ANXA5: variants seen among roughly 807,000 people sequenced by gnomAD.
ANXA5 encodes the protein CBP-I.
Under a neutral mutation model 48.1 loss-of-function variants are expected in ANXA5, and 40 were observed. The observed-to-expected ratio is 0.83, with a 90% CI of 0.65 to 1.08. ANXA5 has a LOEUF of 1.08. Among genes scored for constraint, ANXA5 ranks in the 50% least tolerant of loss-of-function variants. The probability of loss-of-function intolerance (pLI) is 0.00; values close to 1 mark genes in which losing one functional copy is unlikely to be tolerated. For synonymous variants in ANXA5, 113 were observed against 129.1 expected, an observed-to-expected ratio of 0.88 and a Z score of 0.85; for missense variants, 357 against 376.8, an observed-to-expected ratio of 0.95 and a Z score of 0.44.
intron 10 of ANXA5, 58 bp from the exon 11 acceptor site, chr4:121,670,070 A>C (rs955404654): frequency 1.6e-6 from 2 of 1,290,156 alleles, no homozygotes; most frequent in African/African-American, 3.0e-5. Context: ...AGGATTAAGT[A>C]ATTAAAAATC....
intron 5 of ANXA5, among the ~76,000 whole-genome samples, chr4:121,682,182 A>G (rs1472038894): frequency 6.6e-6 from 1 of 152,148 alleles, no homozygotes; most frequent in Non-Finnish European, 1.5e-5. Context: ...CTTAATAAGC[A>G]CCTCAAAAGA....
At chr4:121,694,026 A>G (rs1295761634) in intron 2 of ANXA5, among the ~76,000 whole-genome samples, 2 of 148,164 alleles carry the variant, frequency 1.3e-5, no homozygotes, top group East Asian at 4.2e-4. Flanking sequence ...TACCATAGAG[A>G]TAATTCTGAT....
chr4:121,677,692 G>A (rs965897777), intron 8 of ANXA5, among the ~76,000 whole-genome samples: 1 of 151,776 alleles, frequency 6.6e-6, no homozygotes. Flanking sequence ...ATTTTATTTC[G>A]TTTCAGCTTT....
At position 121,670,084 on chromosome 4, in the gene ANXA5, T is replaced by TTTTAAAAATCAA; in HGVS notation, c.722-73_722-72insTTGATTTTTAAA. 4 of 1,055,756 alleles carry TTTTAAAAATCAA rather than the reference T, an allele frequency of 3.8e-6. No individual in the cohort carries two copies. In the South Asian group the frequency reaches 5.8e-5, roughly 15 times the overall value. The allele number at this position is 1,055,756 out of a possible 1,614,324, so 65.4% of individuals were successfully genotyped here. The stretch of plus-strand genomic sequence containing the variant: ...AAGGATTAAGTAATTAAAAATCAAG[T>TTTTAAAAATCAA]GCTGCTTCCTGCTTATAGCTCTACT... On this transcript the variant is annotated intron_variant, in intron 10 of 12. Coordinates refer to ENST00000296511, the MANE Select transcript of ANXA5 (RefSeq NM_001154.4).
Position 121,669,730 on chromosome 4 carries a change from A to AG in ANXA5, c.781-7_781-6insC. The AG allele has an allele frequency of 9.9e-7, 1 of 1,006,524 alleles. No homozygotes were observed. Among genetic ancestry groups the AG allele is most frequent in the South Asian group, 1.8e-5 (1 of 57,022 alleles). 62.3% of individuals were successfully genotyped at this position (1,006,524 alleles called of 1,614,324 possible). ...TGATCATCTGTCCCAGCTCCCTTTAAAAAAAAAAAAAAAGAGAGAAGCAAA... is the reference window on the plus strand; with the variant it reads ...TGATCATCTGTCCCAGCTCCCTTTAAGAAAAAAAAAAAAAGAGAGAAGCAAA... On this transcript the variant is annotated splice_region_variant and splice_polypyrimidine_tract_variant and intron_variant, in intron 11 of 12. Coordinates refer to ENST00000296511, the MANE Select transcript of ANXA5 (RefSeq NM_001154.4).
At chr4:121,695,242 A>T (rs530655209) in intron 2 of ANXA5, among the ~76,000 whole-genome samples, 2 of 152,348 alleles carry the variant, frequency 1.3e-5, no homozygotes, top group South Asian at 4.1e-4. Context: ...ACTTGAAGTA[A>T]TATGAGAATT....
At chr4:121,690,463 G>T (rs964779779) in intron 2 of ANXA5, among the ~76,000 whole-genome samples, 5 of 152,184 alleles carry the variant, frequency 3.3e-5, no homozygotes, top group African/African-American at 1.2e-4. Flanking sequence ...GTAACTAGGA[G>T]ATCTTTGGTG....
chr4:121,686,874 G>C (rs1724900430), intron 2 of ANXA5, among the ~76,000 whole-genome samples: 1 of 152,202 alleles, frequency 6.6e-6, no homozygotes, highest in South Asian at 2.1e-4. Context: ...TCACGTGCCA[G>C]AGGAATACAA....
intron 2 of ANXA5, among the ~76,000 whole-genome samples, chr4:121,694,254 T>A (rs1398442825): frequency 7.0e-6 from 1 of 143,224 alleles, no homozygotes; most frequent in Non-Finnish European, 1.5e-5. Flanking sequence ...ATAATAAAAA[T>A]ATATATATAA....
intron 2 of ANXA5, among the ~76,000 whole-genome samples, chr4:121,688,862 G>C (rs930197160): frequency 9.2e-5 from 14 of 152,126 alleles, no homozygotes; most frequent in African/African-American, 3.4e-4. Context: ...TGGCCAACTA[G>C]GAAAAGGGGA....
rs1430354255 is a variant in ANXA5 at position 121,671,643 on chromosome 4, C to T, written c.626-1G>A. ...GATATAGTCATGTACTTGTCAAACA[C>T]TAGAAAAAATAAAAATGATTCCCTA... On this transcript the variant is annotated splice_acceptor_variant, in intron 9 of 12. Coordinates refer to ENST00000296511, the MANE Select transcript of ANXA5 (RefSeq NM_001154.4). LOFTEE classifies it high-confidence loss of function. The T allele has an allele frequency of 6.3e-7, 1 of 1,599,972 alleles. No individual in the cohort carries two copies. The highest frequency in any genetic ancestry group is 8.6e-7 in the Non-Finnish European group (1 of 1,167,960).
chr4:121,684,706 A>T lies in ANXA5; in HGVS notation c.160T>A (p.Ser54Thr), dbSNP rs756431689. Residue 54 changes from serine (S) to threonine (T), a missense_variant, in exon 4 of 13, where the codon TCT (serine) becomes ACT (threonine). Coordinates refer to ENST00000296511, the MANE Select transcript of ANXA5 (RefSeq NM_001154.4). ...SRSNAQRQEI[S>T]AAFKTLFGRD... ...CCAAACAGAGTCTTAAAAGCTGCAG[A>T]GATTTCCTGGCGCTGAGCATTACTT... The T allele has an allele frequency of 1.2e-6, 2 of 1,613,938 alleles. No homozygotes were observed. Among genetic ancestry groups the T allele is most frequent in the East Asian group, 4.5e-5 (2 of 44,890 alleles).
At chr4:121,694,377 C>T (rs1460324034) in intron 2 of ANXA5, among the ~76,000 whole-genome samples, 2 of 152,226 alleles carry the variant, frequency 1.3e-5, no homozygotes, top group African/African-American at 4.8e-5. Context: ...AGACGCCGCA[C>T]CCAACTTTAA....
chr4:121,671,586 C>G lies in ANXA5; in HGVS notation c.682G>C (p.Glu228Gln), dbSNP rs187499448. Residue 228 changes from glutamate to glutamine, a missense_variant, in exon 10 of 13, where the codon GAG (glutamate) becomes CAG (glutamine). Physicochemically the swap from Glu to Gln is conservative, Grantham distance 29. Transcript: ENST00000296511. The part of the protein sequence containing the change: ...GFQIEETIDR[E>Q]TSGNLEQLLL... Reference sequence around the variant, plus strand: ...AGTTGCTCTAAATTGCCAGAAGTCTCGCGGTCAATGGTTTCCTCAATTTGA... The same window carrying G: ...AGTTGCTCTAAATTGCCAGAAGTCTGGCGGTCAATGGTTTCCTCAATTTGA... 1.2e-6 allele frequency: 2 copies of G among 1,613,610 alleles called. No homozygotes were observed. The highest frequency in any genetic ancestry group is 2.7e-5 in the African/African-American group (2 of 75,010).
chr4:121,696,520 C>T, intron 2 of ANXA5, 61 bp downstream of exon 2: 1 of 1,318,378 alleles, frequency 7.6e-7, no homozygotes, highest in African/African-American at 1.5e-5. Flanking sequence ...CCTAAAAGTC[C>T]CTCGTCGCAG....
chr4:121,684,021 AAC>A (rs1195093041), intron 4 of ANXA5, among the ~76,000 whole-genome samples: 1 of 152,076 alleles, frequency 6.6e-6, no homozygotes, highest in Non-Finnish European at 1.5e-5. Context: ...TGAAAAAAAA[AAC>A]ACAGTATTTC....
intron 8 of ANXA5, among the ~76,000 whole-genome samples, chr4:121,673,224 T>C (rs1454919344): frequency 2.0e-5 from 3 of 152,224 alleles, no homozygotes; most frequent in African/African-American, 4.8e-5. Context: ...GTTGAATAGT[T>C]TGAGTGCCCA....
At chr4:121,682,830 C>T (rs1232956800) in intron 5 of ANXA5, among the ~76,000 whole-genome samples, 3 of 152,144 alleles carry the variant, frequency 2.0e-5, no homozygotes, top group Admixed American at 2.0e-4. Flanking sequence ...ACATTCCAAA[C>T]ACCAGTCAAG....
rs55993208 is a variant in ANXA5 at position 121,678,197 on chromosome 4, C to T, written c.474+218G>A. ...ATCATTCTATGAAAGGAACAAGATA[C>T]TACTATCTAAAACATGTATGAGTTA... On this transcript the variant is annotated intron_variant, in intron 7 of 12. Transcript: ENST00000296511. 9.8e-3 allele frequency: 5,975 copies of T among 608,742 alleles called. 277 individuals carry two copies. The highest frequency in any genetic ancestry group is 0.098 in the African/African-American group (5,282 of 54,020). The allele number at this position is 608,742 out of a possible 1,614,324, so 37.7% of individuals were successfully genotyped here.
Sources: gnomAD v4.1 joint callset for allele counts (sites outside exome capture counted in the v4.1 genomes callset) on GRCh38, gnomAD v4.1.1 for gene constraint, MANE v1.5 for transcripts, NCBI Gene and HGNC (gene_info 2026-07-23, HGNC 2026-07-21) for gene names.